The following KRT77 variants were observed in gnomAD, a reference collection of about 807,000 sequenced individuals.
KRT77 encodes the protein keratin, type II cytoskeletal 1b.
In KRT77, 44 loss-of-function variants were observed where a neutral mutation model predicts 51.5. That is an observed-to-expected ratio of 0.85 (90% CI 0.67 to 1.10). The LOEUF (loss-of-function observed/expected upper bound fraction) is 1.10, where lower values mean the gene tolerates loss of function less well. Ranked by LOEUF, KRT77 falls within the 50% of genes least tolerant of loss-of-function variation. The probability of loss-of-function intolerance (pLI) is 0.00; values close to 1 mark genes in which losing one functional copy is unlikely to be tolerated. For synonymous variants in KRT77, 293 were observed against 302.0 expected (o/e 0.97, Z 0.31); for missense variants, 763 against 743.9 (o/e 1.03, Z -0.30).
At chr12:52,695,482 T>C in intron 4 of KRT77, 1 of 322,466 alleles carries the variant, frequency 3.1e-6, no homozygotes, top group Non-Finnish European at 5.8e-6. Flanking sequence ...GTTTTGCCCC[T>C]TATATGTCTG....
chr12:52,700,029 G>A (rs989753467), intron 1 of KRT77, among the ~76,000 whole-genome samples: 3 of 152,202 alleles, frequency 2.0e-5, no homozygotes, highest in African/African-American at 2.4e-5. Context: ...TCAAGGCCAG[G>A]CCAGTGTCCC....
chr12:52,702,586 TG>T (rs1382267312), intron 1 of KRT77, among the ~76,000 whole-genome samples: 4 of 147,532 alleles, frequency 2.7e-5, no homozygotes, highest in African/African-American at 1.0e-4. Flanking sequence ...ATTGTGTGGA[TG>T]GGGATGGATA....
intron 5 of KRT77, among the ~76,000 whole-genome samples, chr12:52,694,207 C>T (rs1941758069): frequency 1.6e-5 from 2 of 125,688 alleles, no homozygotes; most frequent in Non-Finnish European, 3.6e-5. Flanking sequence ...TAAGTAATCT[C>T]ACACACTACT....
chr12:52,698,421 AG>A (rs1400144808), intron 1 of KRT77, among the ~76,000 whole-genome samples: 1 of 152,206 alleles, frequency 6.6e-6, no homozygotes, highest in Admixed American at 6.5e-5. Context: ...GATGTTTGTC[AG>A]GAAAGTAACT....
chr12:52,699,103 G>A (rs1941845976), intron 1 of KRT77, among the ~76,000 whole-genome samples: 1 of 152,172 alleles, frequency 6.6e-6, no homozygotes, highest in African/African-American at 2.4e-5. Flanking sequence ...CAAGAGATTA[G>A]GCAAGCAGCT....
rs150947417 is a variant in KRT77 at position 52,694,288 on chromosome 12, T to C, written c.1080+338A>G. Among the ~76,000 whole-genome samples, 13 of 152,266 alleles carry C rather than the reference T, an allele frequency of 8.5e-5. No homozygotes were observed. The East Asian group carries it at 2.5e-3, about 29-fold the overall frequency. On this transcript the variant is annotated intron_variant, in intron 5 of 8. Coordinates refer to ENST00000341809, the MANE Select transcript of KRT77 (RefSeq NM_175078.3). ...TTGTAAGGACTGAATGAAATAATAA[T>C]AAATAAGTAAAGCACTTTGTGCAGT... is the stretch of plus-strand genomic sequence containing the variant.
In KRT77 at chr12:52,691,278, A is replaced by G. The variant is rs775978302; in HGVS notation, c.1624T>C (p.Cys542Arg). 1.3e-6 allele frequency: 2 copies of G among 1,598,082 alleles called. No homozygotes were observed. Among genetic ancestry groups the G allele is most frequent in the Non-Finnish European group, 1.7e-6 (2 of 1,170,820 alleles). Residue 542 changes from cysteine to arginine, a missense_variant, in exon 9 of 9, where the codon TGC becomes CGC. Cys to Arg is a radical substitution (Grantham distance 180, BLOSUM62 -3). Transcript: ENST00000341809. ...GRSGGGYGSGCGGGGGSYGGS... is the reference protein window; with the variant it reads ...GRSGGGYGSGRGGGGGSYGGS... ...CCGTAGCTCCCGCCACCGCCGCCGC[A>G]GCCGCTGCCATAACCGCCTCCACTC... is the stretch of plus-strand genomic sequence containing the variant.
chr12:52,694,336 A>T (rs908650503), intron 5 of KRT77, among the ~76,000 whole-genome samples: 1 of 152,252 alleles, frequency 6.6e-6, no homozygotes, highest in African/African-American at 2.4e-5. Flanking sequence ...TGAGTTCTCA[A>T]TAAACATTAT....
intron 2 of KRT77, chr12:52,696,631 G>T: frequency 1.9e-6 from 1 of 540,218 alleles, no homozygotes; most frequent in Non-Finnish European, 3.3e-6. Context: ...AGGTCTGTGG[G>T]CCAACAGAGG....
intron 5 of KRT77, 136 bp downstream of exon 5, chr12:52,694,490 C>T: frequency 1.3e-6 from 1 of 795,500 alleles, no homozygotes; most frequent in South Asian, 2.7e-5. Flanking sequence ...GATGGGTAAT[C>T]TTTACATGTA....
chr12:52,692,374 G>A (rs1294549248), intron 7 of KRT77, 47 bp downstream of exon 7: 2 of 1,593,156 alleles, frequency 1.3e-6, no homozygotes, highest in South Asian at 1.1e-5. Context: ...ACAGCTTCAT[G>A]GGTGCATCTC....
chr12:52,698,799 C>T (rs200470229), intron 1 of KRT77, among the ~76,000 whole-genome samples: 2 of 152,250 alleles, frequency 1.3e-5, no homozygotes, highest in Non-Finnish European at 1.5e-5. Context: ...AGACTTTGCT[C>T]GGCCGCATGC....
At chr12:52,691,680 T>A (rs955857568) in intron 8 of KRT77, among the ~76,000 whole-genome samples, 3 of 152,222 alleles carry the variant, frequency 2.0e-5, no homozygotes, top group Non-Finnish European at 4.4e-5. Flanking sequence ...CCTAAAGAGT[T>A]CTAGCCGCTG....
intron 1 of KRT77, among the ~76,000 whole-genome samples, chr12:52,701,267 C>T (rs1338487336): frequency 5.3e-5 from 8 of 152,238 alleles, no homozygotes; most frequent in Admixed American, 5.2e-4. Flanking sequence ...CCTGCCTTTG[C>T]CTGAAGCGTG....
chr12:52,691,246 G>T lies in KRT77; in HGVS notation c.1656C>A (p.Ser552Arg). ...CGGGGGSYGG[S>R]GRSGRGSSRV... ...GCGAGGATCCGCGGCCGCTTCTGCC[G>T]CTCCCTCCGTAGCTCCCGCCACCGC... The change falls in exon 9 of 9, where the codon AGC (serine) becomes AGA (arginine). Residue 552 changes from serine to arginine, a missense_variant. Physicochemically the swap from Ser to Arg is moderately radical, Grantham distance 110. Coordinates refer to ENST00000341809, the MANE Select transcript of KRT77 (RefSeq NM_175078.3). The T allele has an allele frequency of 1.2e-6, 2 of 1,612,362 alleles. No homozygotes were observed. The highest frequency in any genetic ancestry group is 1.7e-6 in the Non-Finnish European group (2 of 1,179,292).
At chr12:52,692,942 G>C in intron 5 of KRT77, 62 bp from the exon 6 acceptor site, 2 of 1,572,394 alleles carry the variant, frequency 1.3e-6, no homozygotes, top group South Asian at 1.1e-5. Context: ...CTCCAGGAGG[G>C]AGTAGGTCTG....
intron 1 of KRT77, among the ~76,000 whole-genome samples, chr12:52,699,201 G>C (rs1941847966): frequency 6.6e-6 from 1 of 152,192 alleles, no homozygotes; most frequent in South Asian, 2.1e-4. Flanking sequence ...CCCAGGGAGT[G>C]AAGAAATCAA....
At position 52,691,322 on chromosome 12, in the gene KRT77, C is replaced by G. The variant is rs777139871; in HGVS notation, c.1580G>C (p.Gly527Ala). ...GGYGGGRSYR[G>A]GGARGRSGGG... is the part of the protein sequence containing the mutation. ...TCCACTCCTGCCTCGTGCCCCGCCT[C>G]CGCGGTAGCTTCTTCCGCCGCCATA... is the stretch of plus-strand genomic sequence containing the variant. The change falls in exon 9 of 9, where the codon GGA becomes GCA. Residue 527 changes from glycine to alanine, a missense_variant. Transcript: ENST00000341809. 24 of 1,600,508 alleles carry G rather than the reference C, an allele frequency of 1.5e-5. No individual in the cohort carries two copies. Among genetic ancestry groups the G allele is most frequent in the Non-Finnish European group, 4.3e-6 (5 of 1,173,458 alleles).
intron 1 of KRT77, among the ~76,000 whole-genome samples, chr12:52,701,994 C>T (rs1003044351): frequency 2.0e-4 from 30 of 152,214 alleles, no homozygotes; most frequent in African/African-American, 3.9e-4. Context: ...ATTCCCTAAA[C>T]GCGTCACGCT....
Sources: allele counts gnomAD v4.1 joint callset (sites outside exome capture counted in the v4.1 genomes callset), GRCh38; gene constraint gnomAD v4.1.1; transcripts MANE v1.5; gene names NCBI Gene and HGNC (gene_info 2026-07-23, HGNC 2026-07-21).